The following MICAL3 variants were observed in gnomAD, a reference collection of about 807,000 sequenced individuals.
MICAL3 encodes microtubule associated monooxygenase, calponin and LIM domain containing 3.
In MICAL3, 62 loss-of-function variants were observed where a neutral mutation model predicts 207.4. The ratio of observed to expected loss-of-function variants is 0.30; its 90% CI spans 0.24 to 0.37. The LOEUF (loss-of-function observed/expected upper bound fraction) is 0.37. MICAL3 is among the 10% of genes least tolerant of loss of function. The pLI is 1.00. For missense variants in MICAL3, 2,368 were observed against 2,635.6 expected (o/e 0.90, Z 2.22); for synonymous variants, 1,077 against 1,069.3 (o/e 1.01, Z -0.14).
rs1931421670 is a variant in MICAL3, at chr22:17,902,715, CT to C, written c.504del (p.Val169Ter). On this transcript the variant is annotated frameshift_variant, in exon 4 of 32. Coordinates refer to ENST00000441493, the MANE Select transcript of MICAL3 (RefSeq NM_015241.3). LOFTEE classifies it high-confidence loss of function. The surrounding 1 kb of genome is among the most constrained non-coding windows in gnomAD (Gnocchi z 4.5). The stretch of plus-strand genomic sequence containing the variant: ...ATTTCAATGCCTAGGATCAAGGCTA[CT>C]TTCAAAAGTATTAGTTGGAGCTGAC... ...SIRQLQLILL[K>X]VALILGIEIH... 2 of 1,603,116 alleles carry C rather than the reference CT, an allele frequency of 1.2e-6. No individual in the cohort carries two copies. Among genetic ancestry groups the C allele is most frequent in the Admixed American group, 1.7e-5 (1 of 58,740 alleles).
chr22:17,908,443 G>A (rs914652867), intron 1 of MICAL3, among the ~76,000 whole-genome samples: 6 of 152,128 alleles, frequency 3.9e-5, no homozygotes, highest in Non-Finnish European at 8.8e-5. Context: ...AAGTAGCTGG[G>A]ACTACAGGCA....
At chr22:17,932,905 C>T (rs1291809109) in intron 1 of MICAL3, among the ~76,000 whole-genome samples, 1 of 152,174 alleles carries the variant, frequency 6.6e-6, no homozygotes, top group Non-Finnish European at 1.5e-5. Flanking sequence ...GGGATCAATT[C>T]AACAAGAAGA....
At position 17,859,838 on chromosome 22, in the gene MICAL3, C is replaced by T. The variant is rs533493591; in HGVS notation, c.2605+5061G>A. Among the ~76,000 whole-genome samples the T allele has an allele frequency of 5.9e-5, 9 of 152,284 alleles. No homozygotes were observed. The South Asian group carries it at 1.2e-3, about 21-fold the overall frequency. ...TCTACCCCTCCATCCGCCCAGCCTGCGGGCCCTCCTGCTGGTGGACTGCAC... is the reference window on the plus strand; with the variant it reads ...TCTACCCCTCCATCCGCCCAGCCTGTGGGCCCTCCTGCTGGTGGACTGCAC... On this transcript the variant is annotated intron_variant, in intron 19 of 31. Coordinates refer to ENST00000441493, the MANE Select transcript of MICAL3 (RefSeq NM_015241.3).
rs908562932 is a variant in MICAL3, at chr22:17,858,088, C to T, written c.2605+6811G>A. Among the ~76,000 whole-genome samples the T allele has an allele frequency of 1.6e-4, 25 of 152,328 alleles. 1 individual carries two copies. The highest frequency in any genetic ancestry group is 8.5e-4 in the Admixed American group (13 of 15,304). On this transcript the variant is annotated intron_variant, in intron 19 of 31. Transcript: ENST00000441493. The stretch of plus-strand genomic sequence containing the variant: ...TGGTGTTCACGTGGCTGGTAGAACC[C>T]GGAAGTAATTGATGGAGAGTCCCAT...
At position 17,808,944 on chromosome 22, in the gene MICAL3, C is replaced by T; in HGVS notation, c.5557-7G>A. On this transcript the variant is annotated splice_region_variant and splice_polypyrimidine_tract_variant and intron_variant, in intron 28 of 31. Transcript: ENST00000441493. ...GCAGCTGCCGCTGGATGATCTATGA[C>T]AGACAGCACAGACTGAGCACCCGGC... The T allele has an allele frequency of 1.3e-6, 2 of 1,548,882 alleles. No individual in the cohort carries two copies. Among genetic ancestry groups the T allele is most frequent in the Non-Finnish European group, 1.7e-6 (2 of 1,146,980 alleles).
intron 16 of MICAL3, chr22:17,884,342 C>T: frequency 6.3e-7 from 1 of 1,592,320 alleles, no homozygotes. Context: ...CTGGCTGGCC[C>T]CACGCTCTTG....
At chr22:17,944,197 T>C (rs1933944432) in intron 1 of MICAL3, among the ~76,000 whole-genome samples, 3 of 152,202 alleles carry the variant, frequency 2.0e-5, no homozygotes. Context: ...AGTTAAAACC[T>C]CTATCCAGAA....
In MICAL3 at chr22:17,902,741, C is replaced by T. The variant is rs573683072; in HGVS notation, c.479G>A (p.Arg160His). Reference sequence around the variant, plus strand: ...TTTCAAAAGTATTAGTTGGAGCTGACGGATACCTGGGAGAATACAGAGATG... The same window carrying T: ...TTTCAAAAGTATTAGTTGGAGCTGATGGATACCTGGGAGAATACAGAGATG... ...CAGAIDHISI[R>H]QLQLILLKVA... The change falls in exon 4 of 32, where the codon CGT becomes CAT. Residue 160 changes from arginine (R) to histidine (H), a missense_variant. By Grantham distance (29) the Arg-to-His change is conservative. This residue lies in a region of MICAL3 where 400 missense variants were observed against 547.0 expected (regional missense o/e 0.73). Coordinates refer to ENST00000441493, the MANE Select transcript of MICAL3 (RefSeq NM_015241.3). The surrounding 1 kb of genome is among the most constrained non-coding windows in gnomAD (Gnocchi z 4.5). 3 of 1,581,506 alleles carry T rather than the reference C, an allele frequency of 1.9e-6. No homozygotes were observed. Among genetic ancestry groups the T allele is most frequent in the Non-Finnish European group, 2.6e-6 (3 of 1,157,980 alleles).
intron 17 of MICAL3, among the ~76,000 whole-genome samples, chr22:17,870,843 C>A (rs1927653420): frequency 6.6e-6 from 1 of 152,216 alleles, no homozygotes; most frequent in South Asian, 2.1e-4. Flanking sequence ...CAGGAGTCAG[C>A]CTTTCTCGGC....
intron 20 of MICAL3, among the ~76,000 whole-genome samples, chr22:17,833,011 G>A (rs1922970132): frequency 6.6e-6 from 1 of 152,166 alleles, no homozygotes; most frequent in East Asian, 1.9e-4. Flanking sequence ...GCACTGCCAA[G>A]CACTCCCCTC....
intron 1 of MICAL3, among the ~76,000 whole-genome samples, chr22:17,998,120 G>A (rs1256640104): frequency 1.3e-5 from 2 of 152,072 alleles, no homozygotes; most frequent in Non-Finnish European, 2.9e-5. Flanking sequence ...TGACCAACAC[G>A]GTGAAACCCT....
intron 1 of MICAL3, among the ~76,000 whole-genome samples, chr22:18,011,596 C>T (rs1602398729): frequency 6.7e-6 from 1 of 150,368 alleles, no homozygotes; most frequent in African/African-American, 2.5e-5. Flanking sequence ...AAAGGCCAGG[C>T]GCGGTGGCTC....
chr22:17,835,785 G>A (rs73384538), intron 20 of MICAL3, among the ~76,000 whole-genome samples: 1,729 of 152,356 alleles, frequency 0.011, 27 homozygotes, highest in African/African-American at 0.04. Context: ...GCACTGTCCT[G>A]TGAGATTGCT....
chr22:18,001,886 A>G (rs1923051226), intron 1 of MICAL3, among the ~76,000 whole-genome samples: 1 of 152,158 alleles, frequency 6.6e-6, no homozygotes, highest in Non-Finnish European at 1.5e-5. Context: ...CCCCGGAGAG[A>G]AGAGAGGATG....
At chr22:17,791,962 C>T (rs569913611) in intron 29 of MICAL3, among the ~76,000 whole-genome samples, 3 of 152,320 alleles carry the variant, frequency 2.0e-5, no homozygotes, top group South Asian at 2.1e-4. Flanking sequence ...CACTAGCAGC[C>T]CCTGGGGATG....
At chr22:17,926,660 A>T (rs1932936173) in intron 1 of MICAL3, among the ~76,000 whole-genome samples, 1 of 152,228 alleles carries the variant, frequency 6.6e-6, no homozygotes, top group African/African-American at 2.4e-5. Flanking sequence ...TCAGAACTCC[A>T]GGTGTTGGCC....
chr22:17,864,711 CA>C (rs1189290660), intron 19 of MICAL3, 187 bp downstream of exon 19: 1 of 1,612,976 alleles, frequency 6.2e-7, no homozygotes, highest in Non-Finnish European at 8.5e-7. Flanking sequence ...GCACCTCCGA[CA>C]GGCCATAGAG....
At chr22:17,892,364 AT>A (rs1429309943) in intron 11 of MICAL3, among the ~76,000 whole-genome samples, 1 of 152,246 alleles carries the variant, frequency 6.6e-6, no homozygotes, top group Non-Finnish European at 1.5e-5. Context: ...AAGAGCTCTG[AT>A]ATCGGCCATT....
At chr22:17,992,363 T>G (rs1921777054) in intron 1 of MICAL3, among the ~76,000 whole-genome samples, 1 of 152,142 alleles carries the variant, frequency 6.6e-6, no homozygotes, top group African/African-American at 2.4e-5. Context: ...GTGCAAGAAA[T>G]AAAACCAAAT....
Sources: gnomAD v4.1 joint callset for allele counts (sites outside exome capture counted in the v4.1 genomes callset) on GRCh38, gnomAD v4.1.1 for gene constraint, gnomAD v4.1.1 regional missense constraint, Gnocchi (gnomAD v3.1) non-coding constraint, MANE v1.5 for transcripts, NCBI Gene and HGNC (gene_info 2026-07-23, HGNC 2026-07-21) for gene names.